The following NSUN6 variants were observed in gnomAD, a reference collection of about 807,000 sequenced individuals.
NSUN6 encodes tRNA (cytosine(72)-C(5))-methyltransferase NSUN6.
A neutral mutation model predicts 58.0 loss-of-function variants in NSUN6; 64 were observed. The observed-to-expected ratio is 1.10, with a 90% CI of 0.90 to 1.36. NSUN6 has a LOEUF of 1.36. NSUN6 is among the 40% of genes most tolerant of loss of function. The pLI, the probability that NSUN6 is intolerant of heterozygous loss-of-function variation, is 0.00. For synonymous variants in NSUN6, 231 were observed against 193.9 expected (o/e 1.19, Z -1.59); for missense variants, 701 against 550.1 (o/e 1.27, Z -2.74).
chr10:18,590,024 A>G (rs1364420015), intron 7 of NSUN6, among the ~76,000 whole-genome samples: 1 of 152,200 alleles, frequency 6.6e-6, no homozygotes, highest in African/African-American at 2.4e-5. Flanking sequence ...TCTCATGTGC[A>G]AAGACACACA....
At chr10:18,647,120 C>G (rs2059568054) in intron 2 of NSUN6, among the ~76,000 whole-genome samples, 1 of 152,100 alleles carries the variant, frequency 6.6e-6, no homozygotes, top group Non-Finnish European at 1.5e-5. Context: ...GTTGTCTATT[C>G]ACAACTTGGT....
intron 3 of NSUN6, among the ~76,000 whole-genome samples, chr10:18,624,953 G>A (rs552191983): frequency 6.6e-6 from 1 of 152,232 alleles, no homozygotes; most frequent in South Asian, 2.1e-4. Flanking sequence ...TGGGAATTTC[G>A]GTACATGCTA....
At chr10:18,612,574 T>TA (rs2058274949) in intron 5 of NSUN6, among the ~76,000 whole-genome samples, 2 of 152,202 alleles carry the variant, frequency 1.3e-5, no homozygotes, top group South Asian at 2.1e-4. Context: ...TCCAGTCCTC[T>TA]AAAAAATACT....
chr10:18,547,380 A>G (rs1172900881), intron 10 of NSUN6, among the ~76,000 whole-genome samples: 1 of 152,154 alleles, frequency 6.6e-6, no homozygotes, highest in Non-Finnish European at 1.5e-5. Context: ...TTTCATCTAC[A>G]ATGTAATTAT....
chr10:18,600,554 G>A (rs1446934205), intron 6 of NSUN6, among the ~76,000 whole-genome samples: 1 of 152,074 alleles, frequency 6.6e-6, no homozygotes, highest in Non-Finnish European at 1.5e-5. Flanking sequence ...GAGCCTGGAA[G>A]ATCAAGGCTG....
chr10:18,572,394 C>G (rs557302804), intron 8 of NSUN6, among the ~76,000 whole-genome samples: 53 of 151,450 alleles, frequency 3.5e-4, no homozygotes, highest in African/African-American at 1.3e-3. Context: ...CTATTCCATT[C>G]CATTCCAATC....
chr10:18,560,208 T>C (rs1298475589), intron 8 of NSUN6, among the ~76,000 whole-genome samples: 1 of 150,414 alleles, frequency 6.6e-6, no homozygotes, highest in East Asian at 2.0e-4. Context: ...TGGAATGGAA[T>C]GGAGAATGGT....
intron 3 of NSUN6, among the ~76,000 whole-genome samples, chr10:18,630,740 A>G (rs1046257814): frequency 6.6e-6 from 1 of 152,170 alleles, no homozygotes; most frequent in Non-Finnish European, 1.5e-5. Flanking sequence ...CAATAACAGG[A>G]GCTGAAATTG....
intron 8 of NSUN6, among the ~76,000 whole-genome samples, chr10:18,569,908 C>A (rs929169222): frequency 2.7e-4 from 40 of 149,390 alleles, no homozygotes; most frequent in African/African-American, 9.6e-4. Flanking sequence ...TATTTCCTTC[C>A]ATTCTCCATT....
chr10:18,585,928 A>G, intron 8 of NSUN6, 21 bp downstream of exon 8: 1 of 1,563,518 alleles, frequency 6.4e-7, no homozygotes, highest in Non-Finnish European at 8.7e-7. Context: ...AATTAAAAAT[A>G]AGAAAATCAA....
chr10:18,591,138 A>G (rs1040772463), intron 7 of NSUN6, among the ~76,000 whole-genome samples: 2 of 152,202 alleles, frequency 1.3e-5, no homozygotes, highest in African/African-American at 4.8e-5. Context: ...AAAATCTAGA[A>G]GAAATGGATA....
intron 6 of NSUN6, among the ~76,000 whole-genome samples, chr10:18,599,533 G>A (rs561843796): frequency 3.9e-5 from 6 of 152,152 alleles, no homozygotes; most frequent in Non-Finnish European, 7.4e-5. Flanking sequence ...CAACACTGGA[G>A]CATCAGTGGT....
chr10:18,640,812 T>C (rs1260809075), intron 3 of NSUN6, among the ~76,000 whole-genome samples: 1 of 150,396 alleles, frequency 6.6e-6, no homozygotes, highest in Non-Finnish European at 1.5e-5. Flanking sequence ...CTAAATAGAA[T>C]GAGCCTATAC....
chr10:18,547,220 A>G (rs2054327295), intron 10 of NSUN6, among the ~76,000 whole-genome samples: 1 of 152,232 alleles, frequency 6.6e-6, no homozygotes, highest in South Asian at 2.1e-4. Context: ...ACAGACAATC[A>G]TCTGCATGTT....
chr10:18,650,591 C>T (rs1307606160), intron 1 of NSUN6, among the ~76,000 whole-genome samples: 3 of 152,174 alleles, frequency 2.0e-5, no homozygotes, highest in Non-Finnish European at 2.9e-5. Flanking sequence ...AACTCTTTCC[C>T]TCCAGATTTC....
chr10:18,608,090 A>G (rs566760558), intron 6 of NSUN6, among the ~76,000 whole-genome samples: 61 of 152,334 alleles, frequency 4.0e-4, no homozygotes, highest in Non-Finnish European at 2.5e-4. Context: ...CACTAGAGAA[A>G]TGACAAAAAG....
At chr10:18,645,724 T>G (rs2059527560) in intron 2 of NSUN6, among the ~76,000 whole-genome samples, 1 of 152,200 alleles carries the variant, frequency 6.6e-6, no homozygotes. Flanking sequence ...TATGTTTTCA[T>G]TTATTTGGAG....
intron 6 of NSUN6, among the ~76,000 whole-genome samples, chr10:18,604,134 A>G (rs2131280040): frequency 6.6e-6 from 1 of 152,248 alleles, no homozygotes; most frequent in Non-Finnish European, 1.5e-5. Context: ...GTGAGCTGAG[A>G]TCGTGCCGCT....
At chr10:18,611,938 T>C (rs762056690) in intron 5 of NSUN6, among the ~76,000 whole-genome samples, 1 of 152,172 alleles carries the variant, frequency 6.6e-6, no homozygotes, top group Non-Finnish European at 1.5e-5. Context: ...CTCATCCCTT[T>C]ACTACCTTAC....
Sources: gnomAD v4.1 joint callset for allele counts (sites outside exome capture counted in the v4.1 genomes callset) on GRCh38, gnomAD v4.1.1 for gene constraint, MANE v1.5 for transcripts, NCBI Gene and HGNC (gene_info 2026-07-23, HGNC 2026-07-21) for gene names.